Variants in GRIN2B observed in about 807,000 individuals in gnomAD.
The protein encoded by GRIN2B is glutamate ionotropic receptor NMDA type subunit 2B, also known as glutamate receptor ionotropic, NMDA 2B.
Under a neutral mutation model 114.5 loss-of-function variants are expected in GRIN2B, and 5 were observed. The ratio of observed to expected loss-of-function variants is 0.04; its 90% confidence interval spans 0.02 to 0.09. GRIN2B has a LOEUF of 0.09. GRIN2B is among the 10% of genes least tolerant of loss of function. The pLI is 1.00. For synonymous variants in GRIN2B, 787 were observed against 745.1 expected (o/e 1.06, Z -0.92); for missense variants, 1,108 against 1,943.5 (o/e 0.57, Z 8.08).
chr12:13,563,675 C>T lies in GRIN2B; in HGVS notation c.3563G>A (p.Gly1188Asp). 2.5e-6 allele frequency: 4 copies of T among 1,613,560 alleles called. No individual in the cohort carries two copies. In the South Asian group the frequency reaches 3.3e-5, roughly 13 times the overall value. ...HIKHGTGDKH[G>D]VVSGVPAPWE... ...AGGTGCAGGTACCCCGCTGACCACG[C>T]CGTGTTTGTCGCCCGTCCCGTGCTT... Residue 1188 changes from glycine (G) to aspartate (D), a missense_variant, in exon 14 of 14, where the codon GGC becomes GAC. Gly to Asp is a moderately conservative substitution (Grantham distance 94). Around this residue, in one of 19 missense-constraint regions of GRIN2B, gnomAD observed 478 missense variants for 506.0 expected, o/e 0.94. Coordinates refer to ENST00000609686, the MANE Select transcript of GRIN2B (RefSeq NM_000834.5).
rs1361071356 is a variant in GRIN2B at position 13,551,734 on chromosome 12, A to G, written c.*11049T>C. 1 of 152,168 alleles carries G rather than the reference A, an allele frequency of 6.6e-6. No individual in the cohort carries two copies. Among genetic ancestry groups the G allele is most frequent in the Non-Finnish European group, 1.5e-5 (1 of 68,010 alleles). 9.4% of individuals were successfully genotyped at this position (152,168 alleles called of 1,614,324 possible). ...CAAATTCTGTGTAGTTGTGCTGTTC[A>G]GGTGAATATCTGAGAGCAAAGTATA... On this transcript the variant is annotated 3_prime_UTR_variant, in exon 14 of 14. Coordinates refer to ENST00000609686, the MANE Select transcript of GRIN2B (RefSeq NM_000834.5).
chr12:13,853,351 G>A (rs1241034373), intron 3 of GRIN2B, among the ~76,000 whole-genome samples: 1 of 152,194 alleles, frequency 6.6e-6, no homozygotes, highest in Non-Finnish European at 1.5e-5. Context: ...TATGTTGTTT[G>A]GAGAGGAAGT....
intron 3 of GRIN2B, among the ~76,000 whole-genome samples, chr12:13,755,958 A>G (rs1462809921): frequency 3.9e-5 from 6 of 152,202 alleles, no homozygotes. Flanking sequence ...CTCACCAAGC[A>G]CCAAATCTAC....
intron 2 of GRIN2B, among the ~76,000 whole-genome samples, chr12:13,875,084 C>T (rs370039419): frequency 6.6e-6 from 1 of 152,106 alleles, no homozygotes; most frequent in African/African-American, 2.4e-5. Context: ...TCCCTCCCCA[C>T]CCCACAGGCC....
At chr12:13,927,224 G>T (rs896116968) in intron 2 of GRIN2B, among the ~76,000 whole-genome samples, 4 of 152,170 alleles carry the variant, frequency 2.6e-5, no homozygotes, top group Admixed American at 2.0e-4. Context: ...AGACATGCTA[G>T]AAGTTTAATT....
At chr12:13,944,101 G>A (rs1867320586) in intron 2 of GRIN2B, among the ~76,000 whole-genome samples, 1 of 152,076 alleles carries the variant, frequency 6.6e-6, no homozygotes, top group Admixed American at 6.6e-5. Context: ...TTATATGGAT[G>A]GGCCTATTCA....
chr12:13,957,571 A>G (rs1223296693), intron 2 of GRIN2B, among the ~76,000 whole-genome samples: 1 of 152,204 alleles, frequency 6.6e-6, no homozygotes, highest in East Asian at 1.9e-4. Flanking sequence ...GCTTCCTCCC[A>G]TGACCTGTCT....
intron 2 of GRIN2B, among the ~76,000 whole-genome samples, chr12:13,969,207 T>A (rs1331430375): frequency 6.6e-6 from 1 of 152,216 alleles, no homozygotes; most frequent in East Asian, 1.9e-4. Context: ...CAACTTTGCC[T>A]TTTACCAACA....
At chr12:13,964,472 G>C (rs1328888569) in intron 2 of GRIN2B, among the ~76,000 whole-genome samples, 1 of 152,180 alleles carries the variant, frequency 6.6e-6, no homozygotes, top group African/African-American at 2.4e-5. Context: ...AGTCAGGATT[G>C]CAAGGAAAAG....
intron 2 of GRIN2B, among the ~76,000 whole-genome samples, chr12:13,965,124 T>C (rs113597969): frequency 0.02 from 3,053 of 152,278 alleles, 87 homozygotes; most frequent in African/African-American, 0.071. Flanking sequence ...TTTCTTACTT[T>C]TCCTTAATTA....
chr12:13,664,570 C>T (rs140061834), intron 5 of GRIN2B, among the ~76,000 whole-genome samples: 31 of 152,250 alleles, frequency 2.0e-4, no homozygotes, highest in Middle Eastern at 3.4e-3. Context: ...TGAATTAACT[C>T]AAATACTACA....
intron 4 of GRIN2B, chr12:13,683,497 T>C (rs999824036): frequency 3.9e-5 from 6 of 152,230 alleles, no homozygotes; most frequent in African/African-American, 1.4e-4. Flanking sequence ...TAAATAATAA[T>C]ATTACCTATC....
chr12:13,972,469 C>A (rs1049765627), intron 2 of GRIN2B, among the ~76,000 whole-genome samples: 1 of 151,462 alleles, frequency 6.6e-6, no homozygotes, highest in Non-Finnish European at 1.5e-5. Flanking sequence ...ATATAGGCAG[C>A]TACTGGACAG....
intron 13 of GRIN2B, 101 bp downstream of exon 13, chr12:13,566,924 C>A: frequency 1.2e-6 from 1 of 836,112 alleles, no homozygotes; most frequent in Non-Finnish European, 2.1e-6. Flanking sequence ...GCTTGAGCAA[C>A]ATGGGGGTGG....
chr12:13,564,245 C>A lies in GRIN2B; in HGVS notation c.2993G>T (p.Ser998Ile). ...HHRPHSIGSASSIDGLYDCDN... is the reference protein window; with the variant it reads ...HHRPHSIGSAISIDGLYDCDN... The stretch of plus-strand genomic sequence containing the variant: ...ACAGTCGTAGAGCCCATCGATGGAG[C>A]TGGCACTGCCAATACTATGGGGCCG... The change falls in exon 14 of 14, where the codon AGC (serine) becomes ATC (isoleucine). Residue 998 changes from serine to isoleucine, a missense_variant. Around this residue, in one of 19 missense-constraint regions of GRIN2B, gnomAD observed 140 missense variants for 187.5 expected, o/e 0.75. Coordinates refer to ENST00000609686, the MANE Select transcript of GRIN2B (RefSeq NM_000834.5). This position sits in a 1 kb window ranked among gnomAD's most constrained non-coding sequence, Gnocchi z 4.8. 1 of 1,614,186 alleles carries A rather than the reference C, an allele frequency of 6.2e-7. No homozygotes were observed. Among genetic ancestry groups the A allele is most frequent in the Non-Finnish European group, 8.5e-7 (1 of 1,180,046 alleles).
chr12:13,834,197 A>ATTTTT (rs756189402), intron 3 of GRIN2B, among the ~76,000 whole-genome samples: 63 of 111,500 alleles, frequency 5.7e-4, no homozygotes, highest in African/African-American at 2.0e-3. Flanking sequence ...CGCCTGGCTA[A>ATTTTT]TTTTTTTTTT....
intron 12 of GRIN2B, among the ~76,000 whole-genome samples, chr12:13,569,582 C>T (rs907135280): frequency 2.0e-5 from 3 of 152,208 alleles, no homozygotes; most frequent in Admixed American, 1.3e-4. Flanking sequence ...CCTGCTGGCA[C>T]TGTGATTTCA....
At chr12:13,632,434 C>T (rs1034654099) in intron 5 of GRIN2B, among the ~76,000 whole-genome samples, 29 of 152,220 alleles carry the variant, frequency 1.9e-4, no homozygotes, top group Admixed American at 6.5e-5. Flanking sequence ...GTGTACTCTT[C>T]GGGCTCAGGT....
intron 2 of GRIN2B, among the ~76,000 whole-genome samples, chr12:13,910,777 A>T (rs557550387): frequency 6.6e-6 from 1 of 152,192 alleles, no homozygotes; most frequent in Non-Finnish European, 1.5e-5. Flanking sequence ...CATGACTGAA[A>T]ATGATCATTG....
Sources: allele counts gnomAD v4.1 joint callset (sites outside exome capture counted in the v4.1 genomes callset), GRCh38; gene constraint gnomAD v4.1.1; regional missense constraint gnomAD v4.1.1; non-coding constraint Gnocchi (gnomAD v3.1); transcripts MANE v1.5; gene names NCBI Gene and HGNC (gene_info 2026-07-23, HGNC 2026-07-21).